The following NWD2 variants were observed in gnomAD, a reference collection of about 807,000 sequenced individuals.
NWD2 encodes the protein NACHT and WD repeat domain-containing protein 2.
In NWD2, 37 loss-of-function variants were observed where a neutral mutation model predicts 132.7. The observed-to-expected ratio is 0.28, with a 90% CI of 0.21 to 0.37. The LOEUF (loss-of-function observed/expected upper bound fraction) is 0.37. Ranked by LOEUF, NWD2 falls within the 10% of genes least tolerant of loss-of-function variation. The pLI is 1.00. For synonymous variants in NWD2, 705 were observed against 803.0 expected (o/e 0.88, Z 2.06); for missense variants, 1,592 against 2,122.4 (o/e 0.75, Z 4.91).
intron 1 of NWD2, among the ~76,000 whole-genome samples, chr4:37,267,630 A>G (rs1717783001): frequency 6.6e-6 from 1 of 152,014 alleles, no homozygotes; most frequent in Admixed American, 6.6e-5. Context: ...CGTGGGCTGT[A>G]AATTTGAAAT....
At chr4:37,315,900 A>C (rs1718946971) in intron 1 of NWD2, among the ~76,000 whole-genome samples, 1 of 152,016 alleles carries the variant, frequency 6.6e-6, no homozygotes, top group South Asian at 2.1e-4. Context: ...ACTTTAGATG[A>C]ATACTAACTT....
At chr4:37,379,401 C>A (rs1185839369) in intron 3 of NWD2, among the ~76,000 whole-genome samples, 2 of 152,118 alleles carry the variant, frequency 1.3e-5, no homozygotes, top group African/African-American at 4.8e-5. Context: ...GGTTGAGTAA[C>A]TTTCCCAGAG....
rs1375919542 is a variant in NWD2 at position 37,444,312 on chromosome 4, T to A, written c.2324T>A (p.Phe775Tyr). The A allele has an allele frequency of 1.9e-6, 3 of 1,551,760 alleles. No homozygotes were observed. Among genetic ancestry groups the A allele is most frequent in the African/African-American group, 2.7e-5 (2 of 73,172 alleles). The change falls in exon 7 of 7, where the codon TTC (phenylalanine) becomes TAC (tyrosine). Residue 775 changes from phenylalanine to tyrosine, a missense_variant. Transcript: ENST00000309447. The surrounding 1 kb of genome is among the most constrained non-coding windows in gnomAD (Gnocchi z 4.8). ...TGGTCAGGGGGCAGGAGGAAAGCCT[T>A]CTGCCTTGAGGACCCCTACTTGAAT... ...GVWSGGRRKA[F>Y]CLEDPYLNGC...
At chr4:37,383,821 C>G (rs1246380007) in intron 3 of NWD2, among the ~76,000 whole-genome samples, 1 of 152,098 alleles carries the variant, frequency 6.6e-6, no homozygotes, top group Non-Finnish European at 1.5e-5. Context: ...TTTGCGCCCT[C>G]TAGAGGAGTA....
intron 5 of NWD2, among the ~76,000 whole-genome samples, chr4:37,436,090 T>G (rs1712314446): frequency 6.6e-6 from 1 of 151,996 alleles, no homozygotes; most frequent in African/African-American, 2.4e-5. Flanking sequence ...GGTGCCCTTC[T>G]GAGAACATCA....
At chr4:37,285,012 G>A (rs988653278) in intron 1 of NWD2, among the ~76,000 whole-genome samples, 2 of 152,108 alleles carry the variant, frequency 1.3e-5, no homozygotes, top group African/African-American at 4.8e-5. Context: ...ACTTCTATGT[G>A]TAAGTACAGG....
chr4:37,360,243 A>G (rs1016713809), intron 3 of NWD2, among the ~76,000 whole-genome samples: 11 of 152,220 alleles, frequency 7.2e-5, no homozygotes, highest in South Asian at 2.1e-4. Flanking sequence ...GCTAACAACC[A>G]GTAATTTTAG....
chr4:37,253,907 G>C (rs1235616729), intron 1 of NWD2, among the ~76,000 whole-genome samples: 1 of 152,132 alleles, frequency 6.6e-6, no homozygotes, highest in East Asian at 1.9e-4. Context: ...TAAGCCTAAG[G>C]TTCTTCTTTT....
intron 2 of NWD2, among the ~76,000 whole-genome samples, chr4:37,336,563 T>C (rs1229454276): frequency 6.6e-6 from 1 of 152,194 alleles, no homozygotes; most frequent in Non-Finnish European, 1.5e-5. Flanking sequence ...GGGCCTTAAC[T>C]AGAGGAGCCC....
chr4:37,443,414 G>A lies in NWD2; in HGVS notation c.1426G>A (p.Val476Ile), dbSNP rs1712538484. The change falls in exon 7 of 7, where the codon GTT becomes ATT. Residue 476 changes from valine to isoleucine, a missense_variant. This residue lies in a region of NWD2 where 1,071 missense variants were observed against 1,398.0 expected (regional missense o/e 0.77). Coordinates refer to ENST00000309447, the MANE Select transcript of NWD2 (RefSeq NM_001144990.2). The surrounding 1 kb of genome is among the most constrained non-coding windows in gnomAD (Gnocchi z 4.1). ...TCTAAGTGTTTGTGAACAATTGGCA[G>A]TTAACTACCGGTGTCTGGTTCAAAG... ...LLLSVCEQLAVNYRCLVQSYP... is the reference protein window; with the variant it reads ...LLLSVCEQLAINYRCLVQSYP... 1.3e-6 allele frequency: 2 copies of A among 1,552,102 alleles called. No individual in the cohort carries two copies. Among genetic ancestry groups the A allele is most frequent in the African/African-American group, 2.7e-5 (2 of 73,036 alleles).
intron 2 of NWD2, among the ~76,000 whole-genome samples, chr4:37,328,237 T>A (rs1719214114): frequency 6.6e-6 from 1 of 152,124 alleles, no homozygotes; most frequent in Admixed American, 6.5e-5. Flanking sequence ...CCCCTAGAGA[T>A]GCTTTTCTTT....
chr4:37,367,787 G>A lies in NWD2; in HGVS notation c.357+11305G>A, dbSNP rs182329959. On this transcript the variant is annotated intron_variant, in intron 3 of 6. Transcript: ENST00000309447. ...CAACCCATGGGGCTGTTATTTCTCC[G>A]TCTCTATCAGTGAGGATGCTGAGAC... Among the ~76,000 whole-genome samples, 16 of 152,134 alleles carry A rather than the reference G, an allele frequency of 1.1e-4. No individual in the cohort carries two copies. The East Asian group carries it at 2.3e-3, about 22-fold the overall frequency.
At chr4:37,303,865 G>C (rs1718655727) in intron 1 of NWD2, among the ~76,000 whole-genome samples, 1 of 152,042 alleles carries the variant, frequency 6.6e-6, no homozygotes, top group African/African-American at 2.4e-5. Flanking sequence ...CTATATATAA[G>C]ACTATGTTAT....
At chr4:37,353,276 A>C (rs1156688070) in intron 2 of NWD2, among the ~76,000 whole-genome samples, 3 of 151,782 alleles carry the variant, frequency 2.0e-5, no homozygotes, top group Non-Finnish European at 4.4e-5. Flanking sequence ...TGCCCCTAAC[A>C]TTTTTTCCTT....
At chr4:37,405,798 C>A (rs1431536920) in intron 3 of NWD2, among the ~76,000 whole-genome samples, 1 of 152,166 alleles carries the variant, frequency 6.6e-6, no homozygotes, top group Non-Finnish European at 1.5e-5. Flanking sequence ...ATTTTAACAT[C>A]TTTGCCAGGT....
At chr4:37,400,634 A>G (rs1720880430) in intron 3 of NWD2, among the ~76,000 whole-genome samples, 1 of 152,208 alleles carries the variant, frequency 6.6e-6, no homozygotes. Context: ...GACAAATAGC[A>G]TTTTATGGAA....
At chr4:37,344,285 C>T (rs538672890) in intron 2 of NWD2, among the ~76,000 whole-genome samples, 8 of 152,178 alleles carry the variant, frequency 5.3e-5, no homozygotes, top group South Asian at 2.1e-4. Context: ...TTTTGTATTG[C>T]GTGAGTTGGC....
chr4:37,249,856 G>A (rs2109254340), intron 1 of NWD2, among the ~76,000 whole-genome samples: 1 of 152,220 alleles, frequency 6.6e-6, no homozygotes, highest in East Asian at 1.9e-4. Flanking sequence ...GACTCTTCAT[G>A]CCTTTGGGGT....
intron 3 of NWD2, among the ~76,000 whole-genome samples, chr4:37,410,685 G>A (rs1211353277): frequency 6.6e-6 from 1 of 152,174 alleles, no homozygotes; most frequent in East Asian, 1.9e-4. Flanking sequence ...CAAATCAACA[G>A]AATGTACATT....
Sources: allele counts gnomAD v4.1 joint callset (sites outside exome capture counted in the v4.1 genomes callset), GRCh38; gene constraint gnomAD v4.1.1; regional missense constraint gnomAD v4.1.1; non-coding constraint Gnocchi (gnomAD v3.1); transcripts MANE v1.5; gene names NCBI Gene and HGNC (gene_info 2026-07-23, HGNC 2026-07-21).